Variants in ANKDD1B observed in about 807,000 individuals in gnomAD.
ANKDD1B encodes the protein ankyrin repeat and death domain-containing protein 1B.
In ANKDD1B, 57 loss-of-function variants were observed where a neutral mutation model predicts 59.7. The observed-to-expected ratio is 0.95, with a 90% CI of 0.77 to 1.19. The LOEUF is 1.19. Among genes scored for constraint, ANKDD1B ranks in the 50% most tolerant of loss-of-function variants. ANKDD1B has a pLI of 0.00. For missense variants in ANKDD1B, 602 were observed against 641.9 expected, an observed-to-expected ratio of 0.94 and a Z score of 0.67; for synonymous variants, 216 against 239.5, an observed-to-expected ratio of 0.90 and a Z score of 0.91.
chr5:75,638,515 G>T (rs1561439845), intron 7 of ANKDD1B, among the ~76,000 whole-genome samples: 1 of 152,048 alleles, frequency 6.6e-6, no homozygotes, highest in African/African-American at 2.4e-5. Context: ...AAGAAAGTTT[G>T]ATCATGTGGC....
chr5:75,669,138 A>C (rs1775398392), intron 12 of ANKDD1B, 114 bp from the exon 13 acceptor site: 1 of 1,099,700 alleles, frequency 9.1e-7, no homozygotes, highest in African/African-American at 1.6e-5. Context: ...GCTTTTTTCG[A>C]AGAGGAACAG....
chr5:75,648,141 T>C (rs1162696440), intron 7 of ANKDD1B, among the ~76,000 whole-genome samples: 1 of 107,496 alleles, frequency 9.3e-6, no homozygotes, highest in Non-Finnish European at 1.8e-5. Context: ...TTGGGAGATA[T>C]ACCTAATGCT....
chr5:75,612,459 A>T (rs1382108963), intron 1 of ANKDD1B, among the ~76,000 whole-genome samples: 2 of 150,246 alleles, frequency 1.3e-5, no homozygotes, highest in Non-Finnish European at 3.0e-5. Context: ...CCTTCCCAGT[A>T]CTCAAGCCTC....
intron 12 of ANKDD1B, among the ~76,000 whole-genome samples, chr5:75,667,873 C>T (rs908155575): frequency 4.6e-5 from 7 of 152,190 alleles, no homozygotes; most frequent in Admixed American, 4.6e-4. Flanking sequence ...CATGAGCACA[C>T]ACTATTTATA....
chr5:75,653,580 A>T (rs1360762989), intron 8 of ANKDD1B, among the ~76,000 whole-genome samples: 5 of 152,200 alleles, frequency 3.3e-5, no homozygotes, highest in Non-Finnish European at 5.9e-5. Context: ...GCAGCTGTAC[A>T]TATCAAGAAG....
At chr5:75,628,669 G>A (rs1774060005) in intron 5 of ANKDD1B, among the ~76,000 whole-genome samples, 1 of 152,192 alleles carries the variant, frequency 6.6e-6, no homozygotes, top group African/African-American at 2.4e-5. Context: ...AACAAGGAAA[G>A]CTTTCCTGGA....
Position 75,625,927 on chromosome 5 carries a change from A to G in ANKDD1B, c.572A>G (p.His191Arg). The change falls in exon 5 of 14, where the codon CAC (histidine) becomes CGC (arginine). Residue 191 changes from histidine to arginine, a missense_variant. Transcript: ENST00000601380. Reference protein sequence around the residue: ...RIVEYLIQDLHLKDLNQPDEK... With the variant: ...RIVEYLIQDLRLKDLNQPDEK... ...GTGGAGTATCTTATTCAAGATCTGC[A>G]CCTCAAGGACCTGAACCAGCCTGAT... 6.5e-7 allele frequency: 1 copy of G among 1,536,026 alleles called. No homozygotes were observed. Among genetic ancestry groups the G allele is most frequent in the Non-Finnish European group, 8.7e-7 (1 of 1,146,820 alleles).
At chr5:75,671,840 A>AGTGTCAGTTT (rs150415196) in exon 14 of ANKDD1B, 2 of 151,420 alleles carry the variant, frequency 1.3e-5, no homozygotes, top group Non-Finnish European at 3.0e-5. Context: ...TGTAAAATTG[A>AGTGTCAGTTT]GTGTCAGTTT....
At chr5:75,613,164 A>G (rs906454316) in intron 1 of ANKDD1B, among the ~76,000 whole-genome samples, 1 of 152,200 alleles carries the variant, frequency 6.6e-6, no homozygotes, top group Admixed American at 6.5e-5. Context: ...GCATGGGTTG[A>G]GACAAGACTG....
intron 7 of ANKDD1B, among the ~76,000 whole-genome samples, chr5:75,644,164 C>T (rs199976444): frequency 0.011 from 1,008 of 92,954 alleles, 11 homozygotes; most frequent in Middle Eastern, 0.022. Flanking sequence ...TAAAGACCAT[C>T]GAGACTAGGA....
chr5:75,616,386 G>C (rs778499582), intron 1 of ANKDD1B, among the ~76,000 whole-genome samples: 3 of 152,100 alleles, frequency 2.0e-5, no homozygotes, highest in South Asian at 2.1e-4. Flanking sequence ...GCCTGGCCTC[G>C]GTATAGAGTT....
chr5:75,635,761 C>G (rs764814542), intron 6 of ANKDD1B, 23 bp from the exon 7 acceptor site: 1 of 1,470,798 alleles, frequency 6.8e-7, no homozygotes, highest in South Asian at 1.2e-5. Context: ...GGGGTTTCTA[C>G]GTCGAGTGTG....
At chr5:75,632,505 T>C (rs1233610397) in intron 5 of ANKDD1B, among the ~76,000 whole-genome samples, 4 of 152,302 alleles carry the variant, frequency 2.6e-5, no homozygotes, top group Admixed American at 2.6e-4. Flanking sequence ...CTCATAGGCC[T>C]AGCATGTGAC....
At chr5:75,624,664 TCTC>T (rs1312915744) in intron 3 of ANKDD1B, among the ~76,000 whole-genome samples, 4 of 152,196 alleles carry the variant, frequency 2.6e-5, no homozygotes, top group African/African-American at 4.8e-5. Context: ...GTGTGTACCC[TCTC>T]CTCCTCTGGT....
intron 2 of ANKDD1B, among the ~76,000 whole-genome samples, chr5:75,617,670 C>A (rs1207446167): frequency 1.3e-5 from 2 of 152,096 alleles, no homozygotes. Flanking sequence ...CTTGTACAGG[C>A]CCCTTGTAAG....
At chr5:75,653,061 T>A in intron 7 of ANKDD1B, 81 bp from the exon 8 acceptor site, 2 of 941,382 alleles carry the variant, frequency 2.1e-6, no homozygotes, top group Non-Finnish European at 3.3e-6. Flanking sequence ...TTGTATTAAC[T>A]GATTACCATG....
In ANKDD1B at chr5:75,659,342, C is replaced by T; in HGVS notation, c.1056C>T (p.Thr352=). The T allele has an allele frequency of 6.5e-7, 1 of 1,536,090 alleles. No individual in the cohort carries two copies. Among genetic ancestry groups the T allele is most frequent in the African/African-American group, 1.4e-5 (1 of 73,148 alleles). Residue 352 remains threonine, a synonymous_variant, in exon 10 of 14, where the codon ACC becomes ACT. Coordinates refer to ENST00000601380, the MANE Select transcript of ANKDD1B (RefSeq NM_001276713.2). ...ADRGNVELVE[T]LLKAGCDLKA... is the part of the protein sequence containing the mutation. Reference sequence around the variant, plus strand: ...GTGGAAATGTGGAACTGGTGGAAACCCTGCTGAAGGCAGGCTGTGACTTGA... The same window carrying T: ...GTGGAAATGTGGAACTGGTGGAAACTCTGCTGAAGGCAGGCTGTGACTTGA...
intron 11 of ANKDD1B, 91 bp from the exon 12 acceptor site, chr5:75,666,701 A>G: frequency 1.1e-6 from 1 of 927,854 alleles, no homozygotes. Flanking sequence ...TTACCACCTT[A>G]CTAGTTATGT....
intron 7 of ANKDD1B, 127 bp from the exon 8 acceptor site, chr5:75,653,013 ACT>A (rs1187530470): frequency 5.8e-6 from 4 of 685,496 alleles, no homozygotes; most frequent in Non-Finnish European, 1.0e-5. Flanking sequence ...TGACCAAATC[ACT>A]GTTAAGTGAT....
Sources: allele counts gnomAD v4.1 joint callset (sites outside exome capture counted in the v4.1 genomes callset), GRCh38; gene constraint gnomAD v4.1.1; transcripts MANE v1.5; gene names NCBI Gene and HGNC (gene_info 2026-07-23, HGNC 2026-07-21).